Variants in PPP2R5A observed in about 807,000 individuals in gnomAD.
PPP2R5A encodes the protein serine/threonine-protein phosphatase 2A 56 kDa regulatory subunit alpha isoform.
Under a neutral mutation model 64.2 loss-of-function variants are expected in PPP2R5A, and 25 were observed. The observed-to-expected ratio is 0.39, with a 90% CI of 0.28 to 0.54. PPP2R5A has a LOEUF of 0.54. PPP2R5A is among the 20% of genes least tolerant of loss of function. PPP2R5A has a pLI of 0.67. For synonymous variants in PPP2R5A, 198 were observed against 201.2 expected, an observed-to-expected ratio of 0.98 and a Z score of 0.13; for missense variants, 425 against 576.3, an observed-to-expected ratio of 0.74 and a Z score of 2.69.
At chr1:212,331,460 T>G (rs892799814) in intron 2 of PPP2R5A, 3 of 151,906 alleles carry the variant, frequency 2.0e-5, no homozygotes, top group African/African-American at 4.8e-5. Flanking sequence ...TGGGCCACCA[T>G]GTCCAGCCTC....
At chr1:212,323,444 A>C (rs1182622623) in intron 1 of PPP2R5A, among the ~76,000 whole-genome samples, 2 of 152,232 alleles carry the variant, frequency 1.3e-5, no homozygotes, top group Non-Finnish European at 2.9e-5. Flanking sequence ...TATATACTTA[A>C]TGGGTAGGGT....
At chr1:212,290,932 T>C (rs1658590985) in intron 1 of PPP2R5A, among the ~76,000 whole-genome samples, 2 of 152,218 alleles carry the variant, frequency 1.3e-5, no homozygotes, top group Non-Finnish European at 2.9e-5. Flanking sequence ...TAAGGAGTTA[T>C]TGCTGCCTTG....
chr1:212,348,500 A>AGC lies in PPP2R5A; in HGVS notation c.873+3_873+4insGC. 6.5e-7 allele frequency: 1 copy of AGC among 1,535,328 alleles called. No individual in the cohort carries two copies. Among genetic ancestry groups the AGC allele is most frequent in the Non-Finnish European group, 8.9e-7 (1 of 1,117,530 alleles). Reference sequence around the variant, plus strand: ...GATTAGCTTTGTTTCATGCTCAGGTAAGTTTCAGAAACATTTCAGATGAAA... The same window carrying AGC: ...GATTAGCTTTGTTTCATGCTCAGGTAGCAGTTTCAGAAACATTTCAGATGAAA... On this transcript the variant is annotated splice_donor_region_variant and intron_variant, in intron 7 of 12. Transcript: ENST00000261461.
chr1:212,333,652 A>ATAGCATAAAT, intron 3 of PPP2R5A, 54 bp downstream of exon 3: 3 of 1,036,330 alleles, frequency 2.9e-6, no homozygotes, highest in Non-Finnish European at 2.7e-6. Context: ...ATTCTGCAGA[A>ATAGCATAAAT]ATCATGGTTT....
chr1:212,316,338 C>T (rs1169023393), intron 1 of PPP2R5A, among the ~76,000 whole-genome samples: 1 of 152,100 alleles, frequency 6.6e-6, no homozygotes, highest in African/African-American at 2.4e-5. Flanking sequence ...GCAAAACAGC[C>T]TTATTGTTGA....
At chr1:212,333,684 CTG>C in intron 3 of PPP2R5A, 86 bp downstream of exon 3, 2 of 715,494 alleles carry the variant, frequency 2.8e-6, no homozygotes, top group South Asian at 3.8e-5. Flanking sequence ...TTCTGAGTGT[CTG>C]TGTAAAATAT....
chr1:212,351,122 CAAAA>C (rs746929423), intron 8 of PPP2R5A, among the ~76,000 whole-genome samples: 12 of 141,480 alleles, frequency 8.5e-5, no homozygotes, highest in Non-Finnish European at 1.7e-4. Context: ...AACAAAAAAA[CAAAA>C]AACCTTGACG....
At chr1:212,309,269 C>T (rs1558142589) in intron 1 of PPP2R5A, 1 of 1,520,304 alleles carries the variant, frequency 6.6e-7, no homozygotes, top group Non-Finnish European at 9.0e-7. Context: ...ATGGCAGACT[C>T]AGTGGTCAGC....
intron 4 of PPP2R5A, among the ~76,000 whole-genome samples, chr1:212,344,390 A>G (rs534640052): frequency 9.2e-5 from 14 of 152,376 alleles, no homozygotes; most frequent in Middle Eastern, 3.4e-3. Context: ...CCTAGCAAAC[A>G]AAGAATGGAA....
At position 212,291,563 on chromosome 1, in the gene PPP2R5A, A is replaced by G. The variant is rs76605087; in HGVS notation, c.181+5272A>G. Among the ~76,000 whole-genome samples the G allele has an allele frequency of 1.5e-3, 230 of 152,302 alleles. 1 individual carries two copies. Among genetic ancestry groups the G allele is most frequent in the African/African-American group, 4.6e-3 (190 of 41,546 alleles). On this transcript the variant is annotated intron_variant, in intron 1 of 12. Transcript: ENST00000261461. ...ATCACCGGGTTAGCATTGTCTGTCT[A>G]TTGATTTAATTCATTAATTGAGACT...
At chr1:212,355,324 C>G (rs1205964470) in intron 8 of PPP2R5A, among the ~76,000 whole-genome samples, 1 of 151,944 alleles carries the variant, frequency 6.6e-6, no homozygotes, top group Non-Finnish European at 1.5e-5. Flanking sequence ...TATACAGTTA[C>G]ACAAATAAGT....
At chr1:212,298,908 C>A (rs1658745912) in intron 1 of PPP2R5A, among the ~76,000 whole-genome samples, 1 of 30,180 alleles carries the variant, frequency 3.3e-5, no homozygotes, top group African/African-American at 3.9e-4. Flanking sequence ...CCGGACTGGG[C>A]GGCTGGCCGG....
chr1:212,299,578 TAA>T (rs1658762560), intron 1 of PPP2R5A: 1 of 152,210 alleles, frequency 6.6e-6, no homozygotes, highest in African/African-American at 2.4e-5. Flanking sequence ...GACTGGGATA[TAA>T]AAGTCAATTG....
At position 212,360,741 on chromosome 1, in the gene PPP2R5A, A is replaced by G; in HGVS notation, c.1432A>G (p.Ser478Gly). 1.3e-6 allele frequency: 2 copies of G among 1,577,620 alleles called. No homozygotes were observed. The highest frequency in any genetic ancestry group is 1.7e-6 in the Non-Finnish European group (2 of 1,167,138). ...ACAGAATAGTGCTTACAACATGCAC[A>G]GTATTCTCAGCAATACAAGTGCCGA... is the stretch of plus-strand genomic sequence containing the variant. ...EKQNSAYNMH[S>G]ILSNTSAE Residue 478 changes from serine to glycine, a missense_variant, in exon 13 of 13, where the codon AGT becomes GGT. By Grantham distance (56) the Ser-to-Gly change is moderately conservative. This residue lies in a region of PPP2R5A where 177 missense variants were observed against 244.8 expected (regional missense o/e 0.72). Coordinates refer to ENST00000261461, the MANE Select transcript of PPP2R5A (RefSeq NM_006243.4).
At position 212,304,493 on chromosome 1, in the gene PPP2R5A, G is replaced by A. The variant is rs1054211015; in HGVS notation, c.181+18202G>A. Among the ~76,000 whole-genome samples the A allele has an allele frequency of 3.9e-5, 6 of 151,954 alleles. No homozygotes were observed. The South Asian group carries it at 6.2e-4, about 16-fold the overall frequency. On this transcript the variant is annotated intron_variant, in intron 1 of 12. Transcript: ENST00000261461. ...GAACCTGGGAGGAGGAGGTTGTGGTGAGCCGAGATCACGCCATTACACTCC... is the reference window on the plus strand; with the variant it reads ...GAACCTGGGAGGAGGAGGTTGTGGTAAGCCGAGATCACGCCATTACACTCC...
intron 1 of PPP2R5A, among the ~76,000 whole-genome samples, chr1:212,291,876 C>T (rs538861756): frequency 1.2e-4 from 18 of 152,248 alleles, no homozygotes; most frequent in African/African-American, 3.1e-4. Context: ...CAGGTAAAAT[C>T]GAGAACATGT....
chr1:212,347,672 T>TG (rs1336674059), intron 6 of PPP2R5A, among the ~76,000 whole-genome samples: 1 of 152,034 alleles, frequency 6.6e-6, no homozygotes, highest in African/African-American at 2.4e-5. Context: ...CCTGAGTAGC[T>TG]GGGATTACAG....
intron 7 of PPP2R5A, 74 bp downstream of exon 7, chr1:212,348,571 A>G: frequency 9.4e-7 from 1 of 1,061,724 alleles, no homozygotes; most frequent in Non-Finnish European, 1.4e-6. Flanking sequence ...AAATTGAGAA[A>G]TACTGAGATG....
chr1:212,301,732 C>A, intron 1 of PPP2R5A: 1 of 856,390 alleles, frequency 1.2e-6, no homozygotes, highest in Non-Finnish European at 1.4e-6. Context: ...GTCCTATATT[C>A]TGTGCCAGTT....
Sources: gnomAD v4.1 joint callset for allele counts (sites outside exome capture counted in the v4.1 genomes callset) on GRCh38, gnomAD v4.1.1 for gene constraint, gnomAD v4.1.1 regional missense constraint, MANE v1.5 for transcripts, NCBI Gene and HGNC (gene_info 2026-07-23, HGNC 2026-07-21) for gene names.